ZNF610: variants seen among roughly 807,000 people sequenced by gnomAD.
The protein encoded by ZNF610 is zink finger protein.
In ZNF610, 14 loss-of-function variants were observed where a neutral mutation model predicts 14.1. The ratio of observed to expected loss-of-function variants is 0.99; its 90% CI spans 0.65 to 1.55. ZNF610 has a LOEUF of 1.55. Among genes scored for constraint, ZNF610 ranks in the 40% most tolerant of loss-of-function variants. ZNF610 has a pLI of 0.00. For synonymous variants in ZNF610, 185 were observed against 187.6 expected (o/e 0.99, Z 0.11); for missense variants, 530 against 558.0 (o/e 0.95, Z 0.51).
upstream of ZNF610, among the ~76,000 whole-genome samples, chr19:52,331,494 G>A (rs1984211273): frequency 6.6e-6 from 1 of 152,186 alleles, no homozygotes; most frequent in Non-Finnish European, 1.5e-5. Flanking sequence ...AAAGGTCAGG[G>A]AGCCGAAGGC....
chr19:52,363,539 G>GGCTGTGATATTT (rs1301219380), intron 5 of ZNF610, among the ~76,000 whole-genome samples: 1 of 151,996 alleles, frequency 6.6e-6, no homozygotes, highest in African/African-American at 2.4e-5. Flanking sequence ...TATACTTAGG[G>GGCTGTGATATTT]GCTGTGATAT....
intron 5 of ZNF610, among the ~76,000 whole-genome samples, chr19:52,356,275 G>A (rs1246210879): frequency 2.0e-5 from 3 of 152,178 alleles, no homozygotes; most frequent in Non-Finnish European, 4.4e-5. Flanking sequence ...TTACTCAGCT[G>A]AGTGGGGCAG....
At position 52,366,183 on chromosome 19, in the gene ZNF610, T is replaced by A. The variant is rs1361584028; in HGVS notation, c.805T>A (p.Phe269Ile). ...PYKCSECDKV[F>I]NRNSNLARHQ... ...CAAATGTAGTGAATGTGACAAGGTG[T>A]TTAATCGCAATTCAAACCTTGCACG... is the stretch of plus-strand genomic sequence containing the variant. Residue 269 changes from phenylalanine (F) to isoleucine (I), a missense_variant, in exon 6 of 6, where the codon TTT becomes ATT. By Grantham distance (21) the Phe-to-Ile change is conservative (BLOSUM62 0). Coordinates refer to ENST00000403906, the MANE Select transcript of ZNF610 (RefSeq NM_001161425.2). The A allele has an allele frequency of 6.2e-7, 1 of 1,613,680 alleles. No individual in the cohort carries two copies. Among genetic ancestry groups the A allele is most frequent in the Non-Finnish European group, 8.5e-7 (1 of 1,179,690 alleles).
upstream of ZNF610, among the ~76,000 whole-genome samples, chr19:52,335,897 T>C (rs1292205371): frequency 6.6e-6 from 1 of 152,144 alleles, no homozygotes; most frequent in African/African-American, 2.4e-5. Context: ...TAGCACTGGG[T>C]CTACACTACG....
chr19:52,348,833 A>G (rs1985093017), intron 2 of ZNF610, among the ~76,000 whole-genome samples: 1 of 151,968 alleles, frequency 6.6e-6, no homozygotes, highest in East Asian at 1.9e-4. Context: ...ATCCATAGAG[A>G]GGGGAGGAGG....
At chr19:52,334,433 A>T (rs1382613288), upstream of ZNF610, among the ~76,000 whole-genome samples, 3 of 94,948 alleles carry the variant, frequency 3.2e-5, no homozygotes, top group Non-Finnish European at 6.8e-5. Context: ...GAATTGGTTG[A>T]ACCCGGGAGT....
chr19:52,331,756 C>G (rs544152782), upstream of ZNF610, among the ~76,000 whole-genome samples: 32 of 152,298 alleles, frequency 2.1e-4, no homozygotes, highest in Admixed American at 9.8e-4. Context: ...TGACAATCAC[C>G]CTGCCTTTCT....
chr19:52,350,888 T>TA (rs1985217359), intron 3 of ZNF610, among the ~76,000 whole-genome samples: 1 of 151,050 alleles, frequency 6.6e-6, no homozygotes, highest in African/African-American at 2.4e-5. Flanking sequence ...TAATCCCAGC[T>TA]CCTTGGGAGA....
intron 1 of ZNF610, among the ~76,000 whole-genome samples, chr19:52,345,956 G>A (rs1319049094): frequency 1.3e-5 from 2 of 150,458 alleles, no homozygotes; most frequent in East Asian, 2.0e-4. Context: ...CACCCGCCTT[G>A]ACCTCCCAAA....
intron 1 of ZNF610, among the ~76,000 whole-genome samples, chr19:52,346,194 G>GT (rs947601335): frequency 1.1e-4 from 17 of 148,696 alleles, no homozygotes; most frequent in Non-Finnish European, 2.2e-4. Flanking sequence ...TTTGTTTTTG[G>GT]TTTTTTTTGA....
chr19:52,359,095 T>G (rs1040457242), intron 5 of ZNF610, among the ~76,000 whole-genome samples: 1 of 152,224 alleles, frequency 6.6e-6, no homozygotes, highest in Non-Finnish European at 1.5e-5. Flanking sequence ...CCTCCAGCTT[T>G]CTTTCTTTCA....
chr19:52,355,713 T>C (rs1985491719), intron 5 of ZNF610, among the ~76,000 whole-genome samples: 1 of 152,222 alleles, frequency 6.6e-6, no homozygotes, highest in South Asian at 2.1e-4. Context: ...TTGGGTTGAT[T>C]ACTTTGCTCG....
At chr19:52,333,484 TG>T (rs1187251557), upstream of ZNF610, among the ~76,000 whole-genome samples, 1 of 152,238 alleles carries the variant, frequency 6.6e-6, no homozygotes, top group Non-Finnish European at 1.5e-5. Context: ...CAAAATTTCA[TG>T]TGTTACGTCC....
At chr19:52,357,705 CTTGTAG>C (rs1388204806) in intron 5 of ZNF610, among the ~76,000 whole-genome samples, 1 of 150,730 alleles carries the variant, frequency 6.6e-6, no homozygotes, top group Non-Finnish European at 1.5e-5. Flanking sequence ...TAGTACACAC[CTTGTAG>C]TCCCAGCTAC....
intron 1 of ZNF610, among the ~76,000 whole-genome samples, chr19:52,346,503 G>C (rs1984966932): frequency 6.6e-6 from 1 of 151,966 alleles, no homozygotes; most frequent in Non-Finnish European, 1.5e-5. Flanking sequence ...TTACCATTTT[G>C]GCCAGGTTAG....
At chr19:52,343,272 TA>T (rs896764158) in intron 1 of ZNF610, among the ~76,000 whole-genome samples, 7 of 152,210 alleles carry the variant, frequency 4.6e-5, no homozygotes, top group African/African-American at 1.7e-4. Flanking sequence ...CATGTTTACT[TA>T]CATGCCTGTA....
chr19:52,352,834 G>GT (rs11418927), intron 3 of ZNF610, among the ~76,000 whole-genome samples: 59,713 of 151,492 alleles, frequency 0.39, 11,849 homozygotes, highest in South Asian at 0.47. Flanking sequence ...TTAATATCAT[G>GT]TTTTTTTTGT....
chr19:52,332,870 G>C (rs1295085539), upstream of ZNF610, among the ~76,000 whole-genome samples: 1 of 152,234 alleles, frequency 6.6e-6, no homozygotes, highest in African/African-American at 2.4e-5. The surrounding 1 kb of genome is among the most constrained non-coding windows in gnomAD (Gnocchi z 4.1). Flanking sequence ...CTGAGAACAA[G>C]TGAGGAGAAA....
At chr19:52,360,594 G>A (rs567799483) in intron 5 of ZNF610, among the ~76,000 whole-genome samples, 1 of 152,314 alleles carries the variant, frequency 6.6e-6, no homozygotes, top group East Asian at 1.9e-4. Flanking sequence ...TATTCCTAAT[G>A]TGTAGAGTGT....
Sources: gnomAD v4.1 joint callset for allele counts (sites outside exome capture counted in the v4.1 genomes callset) on GRCh38, gnomAD v4.1.1 for gene constraint, Gnocchi (gnomAD v3.1) non-coding constraint, MANE v1.5 for transcripts, NCBI Gene and HGNC (gene_info 2026-07-23, HGNC 2026-07-21) for gene names.